Variants in ROBO1 observed in about 807,000 individuals in gnomAD.
The protein encoded by ROBO1 is roundabout guidance receptor 1.
In ROBO1, 149 loss-of-function variants were observed where a neutral mutation model predicts 195.9. The ratio of observed to expected loss-of-function variants is 0.76; its 90% confidence interval spans 0.67 to 0.87. ROBO1 has a LOEUF of 0.87. ROBO1 is among the 40% of genes least tolerant of loss of function. ROBO1 has a pLI of 0.00. For missense variants in ROBO1, 1,933 were observed against 2,068.3 expected (o/e 0.93, Z 1.27); for synonymous variants, 816 against 733.2 (o/e 1.11, Z -1.82).
intron 2 of ROBO1, among the ~76,000 whole-genome samples, chr3:79,395,780 T>G (rs2037133392): frequency 1.3e-5 from 2 of 152,130 alleles, no homozygotes; most frequent in South Asian, 4.1e-4. Flanking sequence ...CTTTATTTGC[T>G]GTTAAGACAC....
At chr3:79,095,318 T>A (rs957423948) in intron 3 of ROBO1, among the ~76,000 whole-genome samples, 10 of 152,188 alleles carry the variant, frequency 6.6e-5, no homozygotes, top group African/African-American at 2.4e-4. Flanking sequence ...CTTTAGAGAC[T>A]ACTTGGATTA....
chr3:78,958,002 AACT>A (rs1168680841), intron 3 of ROBO1, among the ~76,000 whole-genome samples: 1 of 152,182 alleles, frequency 6.6e-6, no homozygotes, highest in Non-Finnish European at 1.5e-5. Flanking sequence ...CTAGCACAGA[AACT>A]ACAAGTGACA....
intron 4 of ROBO1, among the ~76,000 whole-genome samples, chr3:78,771,090 C>T: frequency 6.6e-6 from 1 of 151,940 alleles, no homozygotes; most frequent in East Asian, 1.9e-4. Context: ...CTGTAATCCA[C>T]CTTGAGTTAG....
chr3:78,647,740 A>G, intron 19 of ROBO1, 85 bp from the exon 20 acceptor site: 3 of 1,131,508 alleles, frequency 2.7e-6, no homozygotes, highest in Non-Finnish European at 4.0e-6. Context: ...TCAAGCAGAC[A>G]GCTGAACATA....
chr3:79,623,871 G>T (rs913615167), intron 1 of ROBO1, among the ~76,000 whole-genome samples: 2 of 152,074 alleles, frequency 1.3e-5, no homozygotes, highest in Non-Finnish European at 2.9e-5. Context: ...TCCATGAGAA[G>T]ATCAACCCCA....
At chr3:79,427,944 T>A (rs1202660990) in intron 2 of ROBO1, among the ~76,000 whole-genome samples, 1 of 151,918 alleles carries the variant, frequency 6.6e-6, no homozygotes, top group Admixed American at 6.6e-5. Context: ...ACAAATGGGA[T>A]CATATGAAGT....
At chr3:79,291,739 C>T (rs993302157) in intron 2 of ROBO1, among the ~76,000 whole-genome samples, 2 of 152,162 alleles carry the variant, frequency 1.3e-5, no homozygotes, top group Non-Finnish European at 2.9e-5. Context: ...CACACTACCA[C>T]ATACCTTCAG....
chr3:79,026,506 T>C (rs2078206003), intron 3 of ROBO1, among the ~76,000 whole-genome samples: 1 of 152,086 alleles, frequency 6.6e-6, no homozygotes, highest in Non-Finnish European at 1.5e-5. Context: ...AAGTAAGAAG[T>C]TCAAAGCTTT....
chr3:79,623,575 CA>C (rs1945077864), intron 1 of ROBO1, among the ~76,000 whole-genome samples: 1 of 152,046 alleles, frequency 6.6e-6, no homozygotes, highest in Non-Finnish European at 1.5e-5. Flanking sequence ...TTGAATCTAC[CA>C]ACTGGAAGAA....
intron 4 of ROBO1, among the ~76,000 whole-genome samples, chr3:78,752,117 T>A (rs867365868): frequency 7.2e-5 from 11 of 152,124 alleles, no homozygotes; most frequent in Non-Finnish European, 1.3e-4. Flanking sequence ...GCAACCCATT[T>A]CTGTTGCCAT....
intron 3 of ROBO1, among the ~76,000 whole-genome samples, chr3:79,024,843 G>C (rs564111421): frequency 6.6e-6 from 1 of 152,222 alleles, no homozygotes; most frequent in African/African-American, 2.4e-5. Context: ...GTTAAAAGGA[G>C]CAATGCAGTA....
chr3:79,489,038 G>C lies in ROBO1; in HGVS notation c.88+100786C>G, dbSNP rs1367910216. ...TTCACTTAATATTCAATTTAGATGG[G>C]TCATTTAAAATGATTTTATGATATT... On this transcript the variant is annotated intron_variant, in intron 2 of 30. Transcript: ENST00000464233. Among the ~76,000 whole-genome samples the C allele has an allele frequency of 2.0e-5, 3 of 151,308 alleles. No individual in the cohort carries two copies. In the East Asian group the frequency reaches 5.8e-4, roughly 29 times the overall value.
intron 4 of ROBO1, among the ~76,000 whole-genome samples, chr3:78,878,754 C>T (rs2036008027): frequency 6.6e-6 from 1 of 151,944 alleles, no homozygotes; most frequent in African/African-American, 2.4e-5. Context: ...CTATCTAAAA[C>T]TCTCATTTAT....
At chr3:79,324,737 T>C (rs1394042424) in intron 2 of ROBO1, among the ~76,000 whole-genome samples, 2 of 152,186 alleles carry the variant, frequency 1.3e-5, no homozygotes, top group Non-Finnish European at 1.5e-5. Flanking sequence ...GTTAGAATTA[T>C]GTTCATGCAA....
At chr3:79,249,266 C>T (rs756394533) in intron 2 of ROBO1, among the ~76,000 whole-genome samples, 3 of 152,252 alleles carry the variant, frequency 2.0e-5, no homozygotes, top group Non-Finnish European at 2.9e-5. Context: ...CAGCTGGGCA[C>T]GTGAACTGTT....
intron 4 of ROBO1, among the ~76,000 whole-genome samples, chr3:78,806,937 G>A (rs2108605090): frequency 6.6e-6 from 1 of 151,790 alleles, no homozygotes; most frequent in South Asian, 2.1e-4. Context: ...CCTCCCAAGT[G>A]GCTAGGATTA....
chr3:79,403,938 T>A (rs1275029620), intron 2 of ROBO1, among the ~76,000 whole-genome samples: 1 of 152,044 alleles, frequency 6.6e-6, no homozygotes, highest in Non-Finnish European at 1.5e-5. Context: ...GTTATGTTCA[T>A]CCTATTAGAT....
Position 78,717,292 on chromosome 3 carries a change from T to G in ROBO1, c.900A>C (p.Gly300=), listed in dbSNP as rs2081925844. 3 of 1,580,892 alleles carry G rather than the reference T, an allele frequency of 1.9e-6. No homozygotes were observed. The highest frequency in any genetic ancestry group is 2.6e-6 in the Non-Finnish European group (3 of 1,167,620). The change falls in exon 7 of 31, where the codon GGA becomes GGC. Residue 300 remains glycine, a synonymous_variant. Transcript: ENST00000464233. Reference sequence around the variant, plus strand: ...ATGTGTACCTGGATTTGGGCAGCTCTCCATCATCTTTCCTCCATCGTACTG... The same window carrying G: ...ATGTGTACCTGGATTTGGGCAGCTCGCCATCATCTTTCCTCCATCGTACTG... ...VPTVRWRKDD[G]ELPKSRYEIR...
intron 1 of ROBO1, among the ~76,000 whole-genome samples, chr3:79,744,027 C>T (rs889055761): frequency 6.6e-6 from 1 of 152,038 alleles, no homozygotes; most frequent in South Asian, 2.1e-4. Flanking sequence ...ATACACAAAA[C>T]CAGTAACATA....
Sources: gnomAD v4.1 joint callset for allele counts (sites outside exome capture counted in the v4.1 genomes callset) on GRCh38, gnomAD v4.1.1 for gene constraint, MANE v1.5 for transcripts, NCBI Gene and HGNC (gene_info 2026-07-23, HGNC 2026-07-21) for gene names.